AK2: variants seen among roughly 807,000 people sequenced by gnomAD.
The protein encoded by AK2 is adenylate kinase 2, also known as adenylate kinase 2, mitochondrial.
In AK2, 15 loss-of-function variants were observed where a neutral mutation model predicts 24.6. That is an observed-to-expected ratio of 0.61 (90% CI 0.41 to 0.94). The LOEUF is 0.94. Ranked by LOEUF, AK2 falls within the 40% of genes least tolerant of loss-of-function variation. The pLI, the probability that AK2 is intolerant of heterozygous loss-of-function variation, is 0.00. For synonymous variants in AK2, 102 were observed against 114.0 expected (o/e 0.90, Z 0.67); for missense variants, 257 against 304.1 (o/e 0.85, Z 1.15).
At chr1:33,018,045 C>T (rs1293804044) in intron 4 of AK2, among the ~76,000 whole-genome samples, 3 of 152,220 alleles carry the variant, frequency 2.0e-5, no homozygotes, top group African/African-American at 4.8e-5. Flanking sequence ...GGATCACAGG[C>T]ATGAACCACT....
At chr1:33,019,406 A>G (rs1314442375) in intron 4 of AK2, among the ~76,000 whole-genome samples, 1 of 152,024 alleles carries the variant, frequency 6.6e-6, no homozygotes, top group Non-Finnish European at 1.5e-5. Context: ...TGCCTAAGAG[A>G]CCCCAGGCCT....
In AK2 at chr1:33,011,926, G is replaced by C. The variant is rs1302764205; in HGVS notation, c.*1255C>G. 6.5e-7 allele frequency: 1 copy of C among 1,533,248 alleles called. No individual in the cohort carries two copies. The highest frequency in any genetic ancestry group is 2.5e-5 in the East Asian group (1 of 40,808). 95.0% of individuals were successfully genotyped at this position (1,533,248 alleles called of 1,614,324 possible). A position where few individuals can be genotyped will look rare whatever the true frequency, so the allele number is the denominator to read the frequency against. Reference sequence around the variant, plus strand: ...AAAGGAGAGGGTTTGGGCTTAAAAAGAACATATCTGATTTCAGTTTTATGT... The same window carrying C: ...AAAGGAGAGGGTTTGGGCTTAAAAACAACATATCTGATTTCAGTTTTATGT... On this transcript the variant is annotated 3_prime_UTR_variant, in exon 6 of 6. Coordinates refer to ENST00000672715, the MANE Select transcript of AK2 (RefSeq NM_001625.4).
chr1:33,020,726 T>A (rs1006704770), intron 4 of AK2, among the ~76,000 whole-genome samples: 1 of 152,016 alleles, frequency 6.6e-6, no homozygotes, highest in Non-Finnish European at 1.5e-5. Context: ...ATGCCTGTAG[T>A]CCGAGTTACT....
In AK2 at chr1:33,010,914, C is replaced by T; in HGVS notation, c.*2267G>A. The T allele has an allele frequency of 6.2e-7, 1 of 1,602,430 alleles. No homozygotes were observed. The highest frequency in any genetic ancestry group is 8.5e-7 in the Non-Finnish European group (1 of 1,174,268). ...TATCAGAGGAGGCTGGCATGTAAGC[C>T]CCAGCAACCAAATGCATTAAACACT... On this transcript the variant is annotated 3_prime_UTR_variant, in exon 6 of 6. Transcript: ENST00000672715.
At chr1:33,033,093 G>A (rs1332803046) in intron 1 of AK2, among the ~76,000 whole-genome samples, 1 of 150,870 alleles carries the variant, frequency 6.6e-6, no homozygotes, top group Non-Finnish European at 1.5e-5. Context: ...CCGGGAAGCA[G>A]AGCTTGCAGT....
chr1:33,013,672 C>T (rs186869680), intron 5 of AK2, among the ~76,000 whole-genome samples: 2 of 152,282 alleles, frequency 1.3e-5, no homozygotes, highest in East Asian at 3.9e-4. Flanking sequence ...TAGGCAATGA[C>T]TTTCTCATCT....
intron 1 of AK2, among the ~76,000 whole-genome samples, chr1:33,025,666 T>G (rs1051350106): frequency 1.3e-5 from 2 of 152,250 alleles, no homozygotes; most frequent in African/African-American, 4.8e-5. Context: ...CCAGGTCCAC[T>G]AACCATTATG....
chr1:33,018,699 T>C (rs754108786), intron 4 of AK2, among the ~76,000 whole-genome samples: 5 of 152,184 alleles, frequency 3.3e-5, no homozygotes, highest in Non-Finnish European at 7.3e-5. Flanking sequence ...TCTTTCACCC[T>C]TTACAGCAAT....
intron 5 of AK2, among the ~76,000 whole-genome samples, chr1:33,014,147 A>G (rs1403930248): frequency 6.6e-6 from 1 of 152,264 alleles, no homozygotes; most frequent in South Asian, 2.1e-4. Context: ...CTGGTCATCA[A>G]ACTTCTCTTC....
In AK2 at chr1:33,036,852, A is replaced by G. The variant is rs1640626516; in HGVS notation, c.-24T>C. 6.4e-7 allele frequency: 1 copy of G among 1,558,190 alleles called. No homozygotes were observed. The highest frequency in any genetic ancestry group is 8.7e-7 in the Non-Finnish European group (1 of 1,148,646). ...ATGTCCGCCGAAGTCTCTCACTGCC[A>G]CCAGTTCGCACGCCTCACAGGTCCA... On this transcript the variant is annotated 5_prime_UTR_variant, in exon 1 of 6. Transcript: ENST00000672715.
chr1:33,016,496 C>A (rs1639195969), intron 4 of AK2, among the ~76,000 whole-genome samples: 1 of 152,018 alleles, frequency 6.6e-6, no homozygotes. Flanking sequence ...CAGGTGTGAG[C>A]CACTGCGCCT....
At chr1:33,016,196 T>C (rs1257091032) in intron 4 of AK2, among the ~76,000 whole-genome samples, 1 of 152,048 alleles carries the variant, frequency 6.6e-6, no homozygotes, top group Non-Finnish European at 1.5e-5. Flanking sequence ...CCTATGCATA[T>C]CCTCCTGTGT....
chr1:33,026,745 T>G (rs1569692416), intron 1 of AK2, among the ~76,000 whole-genome samples: 1 of 150,600 alleles, frequency 6.6e-6, no homozygotes, highest in African/African-American at 2.4e-5. Flanking sequence ...GAGTTGGAGG[T>G]TGCAGTGAGC....
At chr1:33,019,981 G>A in intron 4 of AK2, 2 of 1,450,702 alleles carry the variant, frequency 1.4e-6, no homozygotes, top group Non-Finnish European at 1.8e-6. Context: ...AAAAGCTACA[G>A]CCCACAATAA....
In AK2 at chr1:33,008,292, G is replaced by A. The variant is rs540404186; in HGVS notation, c.*4889C>T. On this transcript the variant is annotated 3_prime_UTR_variant, in exon 6 of 6. Transcript: ENST00000672715. The stretch of plus-strand genomic sequence containing the variant: ...GAGGTGAGATAACTTGTCCAAGGTC[G>A]CATGGTGAAGTCGCTGTTGAAATCT... 213 of 454,050 alleles carry A rather than the reference G, an allele frequency of 4.7e-4. No individual in the cohort carries two copies. Among genetic ancestry groups the A allele is most frequent in the South Asian group, 2.7e-3 (177 of 64,468 alleles). The allele number at this position is 454,050 out of a possible 1,614,324, so 28.1% of individuals were successfully genotyped here. A position where few individuals can be genotyped will look rare whatever the true frequency, so the allele number is the denominator to read the frequency against.
rs1343847529 is a variant in AK2, at chr1:33,012,133, A to C, written c.*1048T>G. The C allele has an allele frequency of 1.0e-5, 16 of 1,535,382 alleles. No individual in the cohort carries two copies. The South Asian group carries it at 1.8e-4, about 17-fold the overall frequency. On this transcript the variant is annotated 3_prime_UTR_variant, in exon 6 of 6. Transcript: ENST00000672715. ...TCTCAGATGATCAGCCTGGATGTTC[A>C]GAAGACAATCTGAATTCAAAAGGAC...
At chr1:33,029,817 T>C (rs905719870) in intron 1 of AK2, among the ~76,000 whole-genome samples, 9 of 152,242 alleles carry the variant, frequency 5.9e-5, no homozygotes, top group Non-Finnish European at 1.2e-4. Context: ...TAGTTGGGAC[T>C]ATGGGCGCAT....
chr1:33,019,478 G>A (rs190861384), intron 4 of AK2, among the ~76,000 whole-genome samples: 1 of 152,288 alleles, frequency 6.6e-6, no homozygotes, highest in African/African-American at 2.4e-5. Flanking sequence ...TCTACTCTGT[G>A]CCCAGTGGGG....
intron 1 of AK2, among the ~76,000 whole-genome samples, chr1:33,028,218 T>C (rs763204918): frequency 4.3e-4 from 65 of 152,260 alleles, no homozygotes; most frequent in Non-Finnish European, 5.0e-4. Context: ...AAAATGCAGA[T>C]TCCGGCTGGG....
Sources: gnomAD v4.1 joint callset for allele counts (sites outside exome capture counted in the v4.1 genomes callset) on GRCh38, gnomAD v4.1.1 for gene constraint, MANE v1.5 for transcripts, NCBI Gene and HGNC (gene_info 2026-07-23, HGNC 2026-07-21) for gene names.